The following TPM3 variants were observed in gnomAD, a reference collection of about 807,000 sequenced individuals.
The protein encoded by TPM3 is tropomyosin alpha-3 chain.
In TPM3, 16 loss-of-function variants were observed where a neutral mutation model predicts 43.1. The observed-to-expected ratio is 0.37, with a 90% CI of 0.25 to 0.56. The LOEUF (loss-of-function observed/expected upper bound fraction) is 0.56. Among genes scored for constraint, TPM3 ranks in the 20% least tolerant of loss-of-function variants. The pLI, the probability that TPM3 is intolerant of heterozygous loss-of-function variation, is 0.77. For synonymous variants in TPM3, 101 were observed against 116.9 expected, an observed-to-expected ratio of 0.86 and a Z score of 0.88; for missense variants, 176 against 337.2, an observed-to-expected ratio of 0.52 and a Z score of 3.74.
intron 2 of TPM3, chr1:154,183,879 A>G (rs1280468370): frequency 2.1e-5 from 2 of 96,454 alleles, no homozygotes; most frequent in East Asian, 3.3e-4. Context: ...TTTTTTTTTT[A>G]AGAGACAAGA....
intron 5 of TPM3, 94 bp downstream of exon 5, chr1:154,172,813 AG>A: frequency 1.4e-6 from 2 of 1,476,094 alleles, no homozygotes; most frequent in Non-Finnish European, 1.9e-6. Context: ...CTGTTTAACA[AG>A]GTTGAAGGAA....
chr1:154,169,176 T>G, intron 9 of TPM3, 129 bp downstream of exon 9: 1 of 1,021,488 alleles, frequency 9.8e-7, no homozygotes, highest in Non-Finnish European at 1.5e-6. Flanking sequence ...CCAGCACCAA[T>G]GTTTCAAAGA....
downstream of TPM3, chr1:154,159,061 C>T (rs372262294): frequency 1.1e-4 from 89 of 779,542 alleles, no homozygotes; most frequent in African/African-American, 1.4e-3. Context: ...GCAGCAGCAA[C>T]GGAGAGGAGG....
intron 3 of TPM3, among the ~76,000 whole-genome samples, chr1:154,175,156 C>G (rs2148253098): frequency 6.6e-6 from 1 of 151,950 alleles, no homozygotes; most frequent in Non-Finnish European, 1.5e-5. Flanking sequence ...ACGGTGAAAC[C>G]CTGTCTCTAC....
intron 8 of TPM3, 179 bp from the exon 9 acceptor site, chr1:154,169,562 A>G (rs1571393526): frequency 9.3e-6 from 6 of 644,102 alleles, no homozygotes; most frequent in Non-Finnish European, 1.6e-5. Context: ...ACTCTCTCCT[A>G]TGACCAACTT....
At chr1:154,169,424 G>T in intron 8 of TPM3, 41 bp from the exon 9 acceptor site, 1 of 1,601,846 alleles carries the variant, frequency 6.2e-7, no homozygotes, top group Non-Finnish European at 8.6e-7. Flanking sequence ...TGAGGGGACA[G>T]AGTGAAGAGT....
intron 2 of TPM3, among the ~76,000 whole-genome samples, chr1:154,179,047 T>C (rs1297789021): frequency 6.6e-6 from 1 of 152,266 alleles, no homozygotes; most frequent in African/African-American, 2.4e-5. Flanking sequence ...AGAAGGGGAT[T>C]AGCCTAAATC....
At chr1:154,157,730 G>T, downstream of TPM3, 1 of 780,772 alleles carries the variant, frequency 1.3e-6, no homozygotes, top group South Asian at 1.3e-5. Context: ...ATCTAATGGG[G>T]GTAAAGGAGA....
chr1:154,167,962 C>A, intron 9 of TPM3, 22 bp from the exon 10 acceptor site: 1 of 1,613,730 alleles, frequency 6.2e-7, no homozygotes, highest in Non-Finnish European at 8.5e-7. Flanking sequence ...AGTAAGGATA[C>A]TCTAGGTGAG....
At chr1:154,171,768 G>C in intron 5 of TPM3, 1 of 619,800 alleles carries the variant, frequency 1.6e-6, no homozygotes, top group Non-Finnish European at 2.8e-6. Context: ...CTGCTACCTG[G>C]GGTGGAGGTG....
chr1:154,187,328 G>T (rs555846238), intron 2 of TPM3: 1 of 984,784 alleles, frequency 1.0e-6, no homozygotes, highest in Non-Finnish European at 1.2e-6. Context: ...GTAGTTTGCT[G>T]ACTCTAGCTT....
downstream of TPM3, among the ~76,000 whole-genome samples, chr1:154,161,131 TAAAAA>T (rs953940037): frequency 8.2e-5 from 7 of 85,102 alleles, no homozygotes; most frequent in African/African-American, 2.7e-4. Flanking sequence ...ATGCAAATAT[TAAAAA>T]AAAAAAAAAA....
rs950815590 is a variant in TPM3, at chr1:154,167,778, G to A, written c.*159C>T. The A allele has an allele frequency of 1.9e-6, 3 of 1,544,160 alleles. No individual in the cohort carries two copies. The African/African-American group carries it at 4.1e-5, about 21-fold the overall frequency. On this transcript the variant is annotated 3_prime_UTR_variant, in exon 10 of 10. Coordinates refer to ENST00000651641, the MANE Select transcript of TPM3 (RefSeq NM_152263.4). ...GCAGCTTAACATTTTAATTTGGGGTGGGGGTGGAAGAAAATACATAAGTTG... is the reference window on the plus strand; with the variant it reads ...GCAGCTTAACATTTTAATTTGGGGTAGGGGTGGAAGAAAATACATAAGTTG...
chr1:154,178,230 G>A, intron 2 of TPM3: 1 of 981,872 alleles, frequency 1.0e-6, no homozygotes, highest in Non-Finnish European at 1.2e-6. Flanking sequence ...ATGGGGCGGG[G>A]GTGTACAGTT....
chr1:154,156,890 A>G (rs112161353), downstream of TPM3: 197 of 196,450 alleles, frequency 1.0e-3, no homozygotes, highest in African/African-American at 4.2e-3. Context: ...TCACCTCAAC[A>G]TAAGGGGGAC....
At chr1:154,183,983 C>T (rs574810854) in intron 2 of TPM3, among the ~76,000 whole-genome samples, 1 of 151,460 alleles carries the variant, frequency 6.6e-6, no homozygotes, top group Non-Finnish European at 1.5e-5. Flanking sequence ...CCTCAGCCTC[C>T]GGTGTAGCTG....
At chr1:154,175,969 C>A (rs1662258143) in intron 3 of TPM3, 146 bp downstream of exon 3, 1 of 1,368,794 alleles carries the variant, frequency 7.3e-7, no homozygotes. Flanking sequence ...ACCCTCCTGC[C>A]TCAGCGTCCC....
Position 154,171,011 on chromosome 1 carries a change from G to A in TPM3, c.643-300C>T, listed in dbSNP as rs1318347498. ...CCTTTCCCCTGCTTGATGAGCAAGA[G>A]TAGTAGCACCCCAAGGTCACATGAC... On this transcript the variant is annotated intron_variant, in intron 6 of 9. Transcript: ENST00000651641. The A allele has an allele frequency of 1.1e-5, 6 of 527,468 alleles. No homozygotes were observed. The Admixed American group carries it at 1.6e-4, about 14-fold the overall frequency. 32.7% of individuals were successfully genotyped at this position (527,468 alleles called of 1,614,324 possible). A position where few individuals can be genotyped will look rare whatever the true frequency, so the allele number is the denominator to read the frequency against.
chr1:154,186,487 T>C (rs1479749474), intron 2 of TPM3, among the ~76,000 whole-genome samples: 1 of 151,544 alleles, frequency 6.6e-6, no homozygotes. Context: ...GTGTTCCTAG[T>C]AACCAGCAAT....
Sources: allele counts gnomAD v4.1 joint callset (sites outside exome capture counted in the v4.1 genomes callset), GRCh38; gene constraint gnomAD v4.1.1; transcripts MANE v1.5; gene names NCBI Gene and HGNC (gene_info 2026-07-23, HGNC 2026-07-21).